AKAP9: variants seen among roughly 807,000 people sequenced by gnomAD.
AKAP9 encodes A-kinase anchoring protein 9, also known as A-kinase anchor protein 9.
Under a neutral mutation model 488.5 loss-of-function variants are expected in AKAP9, and 311 were observed. The ratio of observed to expected loss-of-function variants is 0.64; its 90% CI spans 0.58 to 0.70. The LOEUF (loss-of-function observed/expected upper bound fraction) is 0.70, where lower values mean the gene tolerates loss of function less well. AKAP9 is among the 30% of genes least tolerant of loss of function. The pLI is 0.00. For synonymous variants in AKAP9, 1,462 were observed against 1,483.5 expected (o/e 0.99, Z 0.33); for missense variants, 4,215 against 4,374.5 (o/e 0.96, Z 1.03).
intron 38 of AKAP9, among the ~76,000 whole-genome samples, chr7:92,091,457 G>C (rs1815548430): frequency 6.6e-6 from 1 of 151,696 alleles, no homozygotes; most frequent in Non-Finnish European, 1.5e-5. Flanking sequence ...GTGATGCTCG[G>C]TGCCTGTAAT....
chr7:92,097,346 A>T lies in AKAP9; in HGVS notation c.10387A>T (p.Asn3463Tyr), dbSNP rs1285719065. 3 of 1,613,294 alleles carry T rather than the reference A, an allele frequency of 1.9e-6. No individual in the cohort carries two copies. Among genetic ancestry groups the T allele is most frequent in the South Asian group, 2.2e-5 (2 of 90,936 alleles). Reference protein sequence around the residue: ...KRESRRILYQNLNEPTTWSLT... With the variant: ...KRESRRILYQYLNEPTTWSLT... ...AGAAAGTAGAAGAATTCTGTATCAG[A>T]ACCTTAATGAGGTAAACTGACAGTT... Residue 3463 changes from asparagine to tyrosine, a missense_variant, in exon 41 of 50, where the codon AAC becomes TAC. Asn to Tyr is a moderately radical substitution (Grantham distance 143). Transcript: ENST00000356239.
At chr7:92,046,776 TAA>T (rs1389300072) in intron 21 of AKAP9, among the ~76,000 whole-genome samples, 1 of 152,208 alleles carries the variant, frequency 6.6e-6, no homozygotes, top group Non-Finnish European at 1.5e-5. Flanking sequence ...TTATGCTTTT[TAA>T]AAAACAATTA....
In AKAP9 at chr7:91,996,325, A is replaced by G. The variant is rs530829337; in HGVS notation, c.930+525A>G. On this transcript the variant is annotated intron_variant, in intron 7 of 49. Coordinates refer to ENST00000356239, the MANE Select transcript of AKAP9 (RefSeq NM_005751.5). ...TTTTACATATATGTGTATCACATTG[A>G]TTATAATCTTAAATCATAAAACTAC... 2.0e-5 allele frequency among the ~76,000 whole-genome samples: 3 copies of G among 152,224 alleles called. No individual in the cohort carries two copies. The South Asian group carries it at 6.2e-4, about 32-fold the overall frequency.
At chr7:91,966,134 C>A (rs947253499) in intron 1 of AKAP9, among the ~76,000 whole-genome samples, 2 of 152,126 alleles carry the variant, frequency 1.3e-5, no homozygotes, top group Non-Finnish European at 2.9e-5. Context: ...TCAAGTGATC[C>A]TCCTGCCTCG....
At chr7:91,992,074 C>G in intron 3 of AKAP9, 84 bp from the exon 4 acceptor site, 1 of 1,120,870 alleles carries the variant, frequency 8.9e-7, no homozygotes, top group Non-Finnish European at 1.4e-6. Flanking sequence ...AAGACATACA[C>G]GTGAATACAG....
intron 36 of AKAP9, among the ~76,000 whole-genome samples, 160 bp from the exon 37 acceptor site, chr7:92,086,068 C>T (rs1814505285): frequency 6.6e-6 from 1 of 151,948 alleles, no homozygotes; most frequent in African/African-American, 2.4e-5. Context: ...CCAGCCTGAG[C>T]AACAGAGTGA....
At chr7:92,044,947 A>G in intron 20 of AKAP9, 61 bp from the exon 21 acceptor site, 1 of 1,370,738 alleles carries the variant, frequency 7.3e-7, no homozygotes, top group Non-Finnish European at 1.0e-6. Flanking sequence ...TAGTGGACAT[A>G]AGCAAAGTGT....
intron 2 of AKAP9, among the ~76,000 whole-genome samples, chr7:91,978,798 C>G (rs1796022029): frequency 6.6e-6 from 1 of 151,544 alleles, no homozygotes; most frequent in Admixed American, 6.6e-5. Flanking sequence ...ACTCTGTCAC[C>G]CAGACCAGAG....
chr7:92,028,295 T>TAAAAAAA (rs57352733), intron 14 of AKAP9, among the ~76,000 whole-genome samples: 99 of 65,082 alleles, frequency 1.5e-3, no homozygotes, highest in Middle Eastern at 0.011. Context: ...CAATAAATAC[T>TAAAAAAA]AAAAAAAAAA....
intron 36 of AKAP9, 21 bp from the exon 37 acceptor site, chr7:92,086,207 T>C (rs1584492130): frequency 1.3e-6 from 2 of 1,596,368 alleles, no homozygotes; most frequent in Non-Finnish European, 1.7e-6. Flanking sequence ...AAACTAACTA[T>C]CGTTATATGT....
intron 14 of AKAP9, among the ~76,000 whole-genome samples, chr7:92,028,295 TA>T (rs57352733): frequency 0.015 from 948 of 65,094 alleles, 14 homozygotes; most frequent in African/African-American, 0.045. Flanking sequence ...CAATAAATAC[TA>T]AAAAAAAAAA....
chr7:92,099,329 A>G (rs1817150653), intron 43 of AKAP9, among the ~76,000 whole-genome samples: 1 of 152,168 alleles, frequency 6.6e-6, no homozygotes. Flanking sequence ...CCTGCTTTGT[A>G]CATTACTACC....
intron 20 of AKAP9, chr7:92,043,319 C>T: frequency 1.0e-6 from 1 of 985,102 alleles, no homozygotes; most frequent in Non-Finnish European, 1.2e-6. Context: ...ATTTTGGCTT[C>T]CCCATTGGAT....
intron 16 of AKAP9, among the ~76,000 whole-genome samples, chr7:92,035,941 G>T (rs942644127): frequency 2.0e-5 from 3 of 150,830 alleles, no homozygotes; most frequent in Admixed American, 1.3e-4. Context: ...GGATGTTTAC[G>T]CTCTAATCCT....
At chr7:91,941,882 TTGTGTGTGTGTGTG>T (rs10700954) in intron 1 of AKAP9, among the ~76,000 whole-genome samples, 2 of 147,726 alleles carry the variant, frequency 1.4e-5, no homozygotes, top group East Asian at 2.0e-4. Flanking sequence ...CGAATCCTGG[TTGTGTGTGTGTGTG>T]TGTGTGTGTG....
chr7:91,972,100 T>C (rs1278969708), intron 1 of AKAP9, among the ~76,000 whole-genome samples: 1 of 151,454 alleles, frequency 6.6e-6, no homozygotes, highest in African/African-American at 2.4e-5. Context: ...ATCAGTGTTA[T>C]CCATCCTTGA....
chr7:92,044,755 G>A (rs933787614), intron 20 of AKAP9, among the ~76,000 whole-genome samples: 5 of 151,518 alleles, frequency 3.3e-5, no homozygotes, highest in Non-Finnish European at 5.9e-5. Context: ...ATTAAATACC[G>A]TACATTTTAA....
intron 43 of AKAP9, 57 bp downstream of exon 43, chr7:92,098,271 T>A: frequency 9.7e-7 from 1 of 1,032,336 alleles, no homozygotes; most frequent in Non-Finnish European, 1.5e-6. Flanking sequence ...TAATAGAAAC[T>A]GGATAATTTG....
intron 1 of AKAP9, among the ~76,000 whole-genome samples, chr7:91,965,901 T>A (rs1476564676): frequency 1.3e-5 from 2 of 152,240 alleles, no homozygotes; most frequent in African/African-American, 2.4e-5. Flanking sequence ...GCTGTCCAGC[T>A]GTTTGAACTT....
Sources: gnomAD v4.1 joint callset for allele counts (sites outside exome capture counted in the v4.1 genomes callset) on GRCh38, gnomAD v4.1.1 for gene constraint, MANE v1.5 for transcripts, NCBI Gene and HGNC (gene_info 2026-07-23, HGNC 2026-07-21) for gene names.